SLC2A1: variants seen among roughly 807,000 people sequenced by gnomAD.
SLC2A1 encodes the protein solute carrier family 2, facilitated glucose transporter member 1.
A neutral mutation model predicts 46.6 loss-of-function variants in SLC2A1; 4 were observed. The ratio of observed to expected loss-of-function variants is 0.09; its 90% CI spans 0.04 to 0.20. SLC2A1 has a LOEUF of 0.20. SLC2A1 is among the 10% of genes least tolerant of loss of function. The pLI, the probability that SLC2A1 is intolerant of heterozygous loss-of-function variation, is 1.00. For missense variants in SLC2A1, 352 were observed against 667.0 expected, an observed-to-expected ratio of 0.53 and a Z score of 5.20; for synonymous variants, 253 against 270.0, an observed-to-expected ratio of 0.94 and a Z score of 0.62.
chr1:42,936,930 A>G (rs1173964425), intron 2 of SLC2A1, among the ~76,000 whole-genome samples: 2 of 152,058 alleles, frequency 1.3e-5, no homozygotes, highest in Non-Finnish European at 2.9e-5. Flanking sequence ...CGGCTTTGGT[A>G]CCCCATAGGA....
chr1:42,952,404 C>A, intron 1 of SLC2A1: 1 of 480,768 alleles, frequency 2.1e-6, no homozygotes. Context: ...GAGGCTGATG[C>A]AGTCGATCAG....
intron 2 of SLC2A1, among the ~76,000 whole-genome samples, chr1:42,936,733 A>G (rs547584703): frequency 5.3e-5 from 8 of 152,222 alleles, no homozygotes; most frequent in African/African-American, 1.7e-4. Context: ...CTCTTGCAAT[A>G]AAGTGTCTCC....
intron 1 of SLC2A1, among the ~76,000 whole-genome samples, chr1:42,958,252 C>T (rs988940111): frequency 4.6e-5 from 7 of 151,478 alleles, no homozygotes; most frequent in Admixed American, 2.6e-4. Context: ...GGGCCCCCTC[C>T]CCCGCACCGG....
intron 2 of SLC2A1, among the ~76,000 whole-genome samples, chr1:42,934,194 G>A (rs767884590): frequency 2.5e-4 from 38 of 152,192 alleles, no homozygotes; most frequent in East Asian, 1.9e-4. Flanking sequence ...CCTGAGTTAC[G>A]TCTCCTGCCT....
chr1:42,938,829 CT>C (rs1158882448), intron 2 of SLC2A1, among the ~76,000 whole-genome samples: 3 of 152,184 alleles, frequency 2.0e-5, no homozygotes, highest in Non-Finnish European at 4.4e-5. Flanking sequence ...TCGTGAAGCC[CT>C]TTTTTTAATC....
intron 2 of SLC2A1, among the ~76,000 whole-genome samples, chr1:42,937,033 T>A (rs888537540): frequency 6.6e-6 from 1 of 152,154 alleles, no homozygotes; most frequent in African/African-American, 2.4e-5. Flanking sequence ...CATCCTCCAA[T>A]GCATGGGACA....
chr1:42,958,250 T>G (rs1164871881), intron 1 of SLC2A1, among the ~76,000 whole-genome samples: 1 of 150,358 alleles, frequency 6.7e-6, no homozygotes, highest in Non-Finnish European at 1.5e-5. Flanking sequence ...TCGGGCCCCC[T>G]CCCCCGCACC....
intron 2 of SLC2A1, among the ~76,000 whole-genome samples, chr1:42,932,199 A>G (rs2124451926): frequency 6.6e-6 from 1 of 152,218 alleles, no homozygotes; most frequent in East Asian, 1.9e-4. Context: ...GTATGGGGAA[A>G]GGTTCCACAC....
chr1:42,940,270 C>T (rs924945656), intron 2 of SLC2A1, among the ~76,000 whole-genome samples: 4 of 152,238 alleles, frequency 2.6e-5, no homozygotes, highest in African/African-American at 9.6e-5. Flanking sequence ...CCACGCTGTG[C>T]CACCCAGTCA....
chr1:42,945,252 T>C (rs1453135194), intron 1 of SLC2A1, among the ~76,000 whole-genome samples: 4 of 152,140 alleles, frequency 2.6e-5, no homozygotes, highest in African/African-American at 9.7e-5. Context: ...CAATCTATCA[T>C]TTAAGAAAAC....
In SLC2A1 at chr1:42,927,665, A is replaced by G; in HGVS notation, c.1218T>C (p.Val406=). Residue 406 remains valine, a synonymous_variant, in exon 9 of 10, where the codon GTT becomes GTC. Transcript: ENST00000426263. This position sits in a 1 kb window ranked among gnomAD's most constrained non-coding sequence, Gnocchi z 5.3. ...TTGAGGTCCAGTTGGAGAAGCCTGC[A>G]ACGGCAATGGCAGCTGGACGTGGAC... ...SQGPRPAAIA[V]AGFSNWTSNF... 1.9e-6 allele frequency: 3 copies of G among 1,614,206 alleles called. No individual in the cohort carries two copies. The highest frequency in any genetic ancestry group is 2.5e-6 in the Non-Finnish European group (3 of 1,180,028).
chr1:42,944,969 T>C (rs544127472), intron 1 of SLC2A1, among the ~76,000 whole-genome samples: 5 of 152,008 alleles, frequency 3.3e-5, no homozygotes, highest in Admixed American at 6.5e-5. Flanking sequence ...AGAGCTGTTG[T>C]TCCGAGTGGG....
intron 1 of SLC2A1, among the ~76,000 whole-genome samples, chr1:42,955,105 T>C (rs1643759233): frequency 1.3e-5 from 2 of 152,224 alleles, no homozygotes. Context: ...AAGCTCATAC[T>C]GCCAGAATGC....
chr1:42,937,771 C>T (rs753713018), intron 2 of SLC2A1, among the ~76,000 whole-genome samples: 13 of 152,018 alleles, frequency 8.6e-5, no homozygotes, highest in Admixed American at 8.5e-4. Context: ...GTAGTGGTGA[C>T]GGGTGAAGGG....
intron 1 of SLC2A1, among the ~76,000 whole-genome samples, chr1:42,957,855 C>A (rs1340857866): frequency 3.3e-5 from 5 of 152,188 alleles, no homozygotes. Flanking sequence ...GCCCCCAGAT[C>A]CCCCGCCCCT....
intron 1 of SLC2A1, among the ~76,000 whole-genome samples, chr1:42,948,077 G>A (rs1034864284): frequency 6.6e-6 from 1 of 152,120 alleles, no homozygotes; most frequent in Non-Finnish European, 1.5e-5. Flanking sequence ...TGGGCTCAGG[G>A]TCCAGCACAG....
chr1:42,957,965 A>C, intron 1 of SLC2A1, among the ~76,000 whole-genome samples: 1 of 152,152 alleles, frequency 6.6e-6, no homozygotes, highest in Non-Finnish European at 1.5e-5. Context: ...CTCCTCGCAA[A>C]GGAGAGCCTC....
chr1:42,926,716 C>G lies in SLC2A1; in HGVS notation c.*325G>C. ...GTCTCGACAGGGCTTAGTCTCCACC[C>G]TCAGGCATGGAACCATTCAGGGTGA... On this transcript the variant is annotated 3_prime_UTR_variant, in exon 10 of 10. Transcript: ENST00000426263. 2 of 1,366,442 alleles carry G rather than the reference C, an allele frequency of 1.5e-6. No individual in the cohort carries two copies. Among genetic ancestry groups the G allele is most frequent in the Non-Finnish European group, 1.9e-6 (2 of 1,039,802 alleles). 84.6% of individuals were successfully genotyped at this position (1,366,442 alleles called of 1,614,324 possible).
At chr1:42,932,414 G>A (rs3820546) in intron 2 of SLC2A1, among the ~76,000 whole-genome samples, 59,272 of 148,746 alleles carry the variant, frequency 0.4, 14,351 homozygotes, top group Non-Finnish European at 0.54. Flanking sequence ...TAGTTACCCA[G>A]AAACGGCTTC....
Sources: allele counts gnomAD v4.1 joint callset (sites outside exome capture counted in the v4.1 genomes callset), GRCh38; gene constraint gnomAD v4.1.1; non-coding constraint Gnocchi (gnomAD v3.1); transcripts MANE v1.5; gene names NCBI Gene and HGNC (gene_info 2026-07-23, HGNC 2026-07-21).